CACNA2D3: variants seen among roughly 807,000 people sequenced by gnomAD.
CACNA2D3 encodes voltage-dependent calcium channel subunit alpha-2/delta-3.
CACNA2D3 carries 60 observed loss-of-function variants against 160.6 expected under a neutral mutation model. The ratio of observed to expected loss-of-function variants is 0.37; its 90% CI spans 0.30 to 0.46. The LOEUF (loss-of-function observed/expected upper bound fraction) is 0.46, where lower values mean the gene tolerates loss of function less well. Ranked by LOEUF, CACNA2D3 falls within the 20% of genes least tolerant of loss-of-function variation. The pLI is 1.00. For missense variants in CACNA2D3, 1,205 were observed against 1,365.0 expected (o/e 0.88, Z 1.85); for synonymous variants, 558 against 492.9 (o/e 1.13, Z -1.75).
intron 3 of CACNA2D3, among the ~76,000 whole-genome samples, chr3:54,380,466 C>T (rs767285755): frequency 5.9e-5 from 9 of 152,184 alleles, no homozygotes; most frequent in South Asian, 2.1e-4. Flanking sequence ...CAGCCGGGTG[C>T]GGTGGCTCAC....
chr3:54,950,813 G>A (rs1701740071), intron 27 of CACNA2D3, among the ~76,000 whole-genome samples: 1 of 152,176 alleles, frequency 6.6e-6, no homozygotes, highest in Non-Finnish European at 1.5e-5. Context: ...ACGCACAGAG[G>A]AAGCATGGTG....
chr3:54,273,796 G>C lies in CACNA2D3; in HGVS notation c.205-46646G>C, dbSNP rs187877898. ...AGTTCCCAGGTGTTTCTTTCATAATGGAGCTTTAAGCTATTCTGGTAAGGG... is the reference window on the plus strand; with the variant it reads ...AGTTCCCAGGTGTTTCTTTCATAATCGAGCTTTAAGCTATTCTGGTAAGGG... On this transcript the variant is annotated intron_variant, in intron 2 of 37. Coordinates refer to ENST00000474759, the MANE Select transcript of CACNA2D3 (RefSeq NM_018398.3). Among the ~76,000 whole-genome samples the C allele has an allele frequency of 5.9e-5, 9 of 152,254 alleles. No homozygotes were observed. The East Asian group carries it at 1.7e-3, about 29-fold the overall frequency.
At chr3:54,514,692 G>T (rs1701515425) in intron 5 of CACNA2D3, among the ~76,000 whole-genome samples, 1 of 152,128 alleles carries the variant, frequency 6.6e-6, no homozygotes, top group Non-Finnish European at 1.5e-5. Flanking sequence ...AACTGGGAAG[G>T]TGGGGGTGGC....
rs148715563 is a variant in CACNA2D3, at chr3:54,274,215, C to CATATATATATAT, written c.205-46223_205-46212dup. On this transcript the variant is annotated intron_variant, in intron 2 of 37. Coordinates refer to ENST00000474759, the MANE Select transcript of CACNA2D3 (RefSeq NM_018398.3). ...CTACATTTGTAGAATGATTTCTATG[C>CATATATATATAT]ATATATATATATATAAGAAATACGG... Among the ~76,000 whole-genome samples, 965 of 149,942 alleles carry CATATATATATAT rather than the reference C, an allele frequency of 6.4e-3. 8 individuals are homozygous for CATATATATATAT. The highest frequency in any genetic ancestry group is 0.022 in the East Asian group (115 of 5,146).
chr3:54,591,123 C>G (rs1257785058), intron 9 of CACNA2D3, among the ~76,000 whole-genome samples: 1 of 152,168 alleles, frequency 6.6e-6, no homozygotes, highest in Admixed American at 6.5e-5. Context: ...TCATTTAGGA[C>G]TTACTTAATG....
chr3:54,713,218 A>C (rs543431503), intron 11 of CACNA2D3, among the ~76,000 whole-genome samples: 68 of 152,310 alleles, frequency 4.5e-4, no homozygotes, highest in Non-Finnish European at 9.1e-4. Context: ...TACTTTGCTC[A>C]CTGCTAGAAG....
At position 54,915,014 on chromosome 3, in the gene CACNA2D3, C is replaced by A. The variant is rs77768198; in HGVS notation, c.2449+15146C>A. 2.8e-3 allele frequency among the ~76,000 whole-genome samples: 427 copies of A among 152,342 alleles called. 2 individuals are homozygous for A. Among genetic ancestry groups the A allele is most frequent in the African/African-American group, 9.9e-3 (410 of 41,588 alleles). ...GATCTAAGATAAAGGTGTCTTGTTT[C>A]AGGGGTACTTGGTTAACTCAAGCAA... On this transcript the variant is annotated intron_variant, in intron 27 of 37. Coordinates refer to ENST00000474759, the MANE Select transcript of CACNA2D3 (RefSeq NM_018398.3).
intron 25 of CACNA2D3, chr3:54,894,576 C>T (rs751851111): frequency 1.9e-6 from 1 of 513,302 alleles, no homozygotes; most frequent in South Asian, 1.4e-5. Context: ...GCTGCATAGA[C>T]AGGGCACCTC....
chr3:54,138,073 G>T (rs1245994861), intron 2 of CACNA2D3, among the ~76,000 whole-genome samples: 1 of 152,194 alleles, frequency 6.6e-6, no homozygotes, highest in Non-Finnish European at 1.5e-5. Context: ...TGGGACAGGT[G>T]CTCTGATGGC....
chr3:55,068,219 G>A (rs1466416845), intron 35 of CACNA2D3, among the ~76,000 whole-genome samples: 2 of 152,208 alleles, frequency 1.3e-5, no homozygotes, highest in Non-Finnish European at 2.9e-5. Flanking sequence ...CTCCTGAGCA[G>A]CCACACATTT....
chr3:55,021,975 G>A (rs1703466459), intron 35 of CACNA2D3, among the ~76,000 whole-genome samples: 1 of 151,938 alleles, frequency 6.6e-6, no homozygotes, highest in African/African-American at 2.4e-5. Context: ...TTCTCTAATA[G>A]CTGGGTACAG....
At chr3:54,261,017 G>A (rs1372231560) in intron 2 of CACNA2D3, among the ~76,000 whole-genome samples, 1 of 152,172 alleles carries the variant, frequency 6.6e-6, no homozygotes, top group Non-Finnish European at 1.5e-5. Flanking sequence ...TCATGAGAAT[G>A]AGGGAATAGT....
intron 12 of CACNA2D3, 87 bp from the exon 13 acceptor site, chr3:54,764,131 A>G: frequency 7.0e-7 from 1 of 1,423,030 alleles, no homozygotes; most frequent in Non-Finnish European, 9.7e-7. Flanking sequence ...AACTAGCTAG[A>G]GGGCAAGAAG....
intron 29 of CACNA2D3, among the ~76,000 whole-genome samples, chr3:54,978,284 T>A (rs2107089601): frequency 6.6e-6 from 1 of 152,322 alleles, no homozygotes; most frequent in Non-Finnish European, 1.5e-5. Context: ...CAAACACCTC[T>A]AACATTTCCC....
intron 9 of CACNA2D3, among the ~76,000 whole-genome samples, chr3:54,613,209 T>C (rs1698780592): frequency 6.6e-6 from 1 of 152,228 alleles, no homozygotes; most frequent in African/African-American, 2.4e-5. Context: ...GGTGTTTTGC[T>C]TCAGAAAAAT....
intron 29 of CACNA2D3, among the ~76,000 whole-genome samples, chr3:54,974,089 C>CT (rs1218126281): frequency 6.6e-6 from 1 of 152,118 alleles, no homozygotes; most frequent in East Asian, 1.9e-4. Flanking sequence ...AAACAAAAGG[C>CT]AAAAAGCAGC....
chr3:54,935,411 T>A (rs923395439), intron 27 of CACNA2D3, among the ~76,000 whole-genome samples: 1 of 152,134 alleles, frequency 6.6e-6, no homozygotes, highest in South Asian at 2.1e-4. Flanking sequence ...AGTGAGCTCA[T>A]GCGGCTGGTG....
chr3:54,581,609 A>G (rs149350183), intron 8 of CACNA2D3, among the ~76,000 whole-genome samples, 194 bp from the exon 9 acceptor site: 8 of 152,340 alleles, frequency 5.3e-5, no homozygotes, highest in Non-Finnish European at 8.8e-5. Flanking sequence ...TCAAACAAGA[A>G]AAGAATGAAG....
intron 2 of CACNA2D3, among the ~76,000 whole-genome samples, chr3:54,233,803 G>T (rs1701823069): frequency 6.6e-6 from 1 of 152,162 alleles, no homozygotes; most frequent in Non-Finnish European, 1.5e-5. Context: ...TCATCATACA[G>T]TTTATTTTCA....
Sources: gnomAD v4.1 joint callset for allele counts (sites outside exome capture counted in the v4.1 genomes callset) on GRCh38, gnomAD v4.1.1 for gene constraint, MANE v1.5 for transcripts, NCBI Gene and HGNC (gene_info 2026-07-23, HGNC 2026-07-21) for gene names.